MPHOSPH6: variants seen among roughly 807,000 people sequenced by gnomAD.
MPHOSPH6 encodes M-phase phosphoprotein 6.
Under a neutral mutation model 21.8 loss-of-function variants are expected in MPHOSPH6, and 25 were observed. The observed-to-expected ratio is 1.15, with a 90% CI of 0.83 to 1.60. MPHOSPH6 has a LOEUF of 1.60. Among genes scored for constraint, MPHOSPH6 ranks in the 40% most tolerant of loss-of-function variants. MPHOSPH6 has a pLI of 0.00. For missense variants in MPHOSPH6, 269 were observed against 181.8 expected, an observed-to-expected ratio of 1.48 and a Z score of -2.76; for synonymous variants, 84 against 56.5, an observed-to-expected ratio of 1.49 and a Z score of -2.18.
At chr16:82,168,289 T>C (rs1457589225) in intron 1 of MPHOSPH6, among the ~76,000 whole-genome samples, 1 of 152,140 alleles carries the variant, frequency 6.6e-6, no homozygotes, top group African/African-American at 2.4e-5. Context: ...GTTAATGTTA[T>C]TACCAACCAT....
Position 82,170,158 on chromosome 16 carries a change from C to T in MPHOSPH6, c.18G>A (p.Lys6=), listed in dbSNP as rs759762498. The T allele has an allele frequency of 6.3e-7, 1 of 1,595,448 alleles. No homozygotes were observed. Among genetic ancestry groups the T allele is most frequent in the Non-Finnish European group, 8.5e-7 (1 of 1,171,280 alleles). Residue 6 remains lysine, a synonymous_variant, in exon 1 of 5, where the codon AAG becomes AAA. Coordinates refer to ENST00000258169, the MANE Select transcript of MPHOSPH6 (RefSeq NM_005792.2). MAAER[K]TRLSKNLLRM... ...GCAGTAGATTCTTGGACAACCTTGT[C>T]TTTCGCTCGGCCGCCATGGTAGCTT... is the stretch of plus-strand genomic sequence containing the variant.
Position 82,149,390 on chromosome 16 carries a change from T to A in MPHOSPH6, c.269A>T (p.Gln90Leu), listed in dbSNP as rs528242898. The change falls in exon 4 of 5, where the codon CAG becomes CTG. Residue 90 changes from glutamine (Q) to leucine (L), a missense_variant. Transcript: ENST00000258169. ...FNPEVEKLML[Q>L]MNAKHKAEEV... ...TTCTGCTTTGTGCTTAGCATTCATCTGAAGCATCAATTTCTGAAAAATACA... is the reference window on the plus strand; with the variant it reads ...TTCTGCTTTGTGCTTAGCATTCATCAGAAGCATCAATTTCTGAAAAATACA... 3.1e-6 allele frequency: 5 copies of A among 1,612,258 alleles called. No individual in the cohort carries two copies. The highest frequency in any genetic ancestry group is 4.2e-6 in the Non-Finnish European group (5 of 1,180,000).
At chr16:82,159,701 C>T (rs540668459) in intron 2 of MPHOSPH6, among the ~76,000 whole-genome samples, 4 of 152,250 alleles carry the variant, frequency 2.6e-5, no homozygotes, top group South Asian at 2.1e-4. Context: ...CCACCGTGCC[C>T]GGCCTAGGAG....
chr16:82,169,315 T>C (rs1055913674), intron 1 of MPHOSPH6, among the ~76,000 whole-genome samples: 2 of 152,242 alleles, frequency 1.3e-5, no homozygotes, highest in African/African-American at 4.8e-5. Context: ...TGGTTTTCTT[T>C]TTCTTTCTTG....
chr16:82,149,774 T>A (rs61366082), intron 3 of MPHOSPH6, among the ~76,000 whole-genome samples: 30,121 of 152,036 alleles, frequency 0.2, 3,711 homozygotes, highest in Admixed American at 0.36. Context: ...CTTTAAGCCA[T>A]ATGGAAGAAA....
intron 1 of MPHOSPH6, among the ~76,000 whole-genome samples, chr16:82,168,427 G>C (rs1256683517): frequency 6.6e-6 from 1 of 150,488 alleles, no homozygotes; most frequent in Non-Finnish European, 1.5e-5. Context: ...CTCCATCCTA[G>C]CTCAACTCCA....
At position 82,157,387 on chromosome 16, in the gene MPHOSPH6, G is replaced by A. The variant is rs117805624; in HGVS notation, c.165-5873C>T. Among the ~76,000 whole-genome samples the A allele has an allele frequency of 5.7e-3, 867 of 152,284 alleles. 12 individuals carry two copies. The highest frequency in any genetic ancestry group is 1.0e-2 in the Non-Finnish European group (677 of 68,028). On this transcript the variant is annotated intron_variant, in intron 2 of 4. Transcript: ENST00000258169. ...CAAAACATTTTGCTGACACAGTTAA[G>A]CACATATTGCACAATTCCTTTTTTA...
intron 2 of MPHOSPH6, among the ~76,000 whole-genome samples, chr16:82,155,332 GAAAT>G (rs1274789327): frequency 6.6e-6 from 1 of 152,190 alleles, no homozygotes; most frequent in East Asian, 1.9e-4. Flanking sequence ...CCTTAGCCAT[GAAAT>G]AAATCAACAA....
chr16:82,149,341 C>G lies in MPHOSPH6; in HGVS notation c.318G>C (p.Glu106Asp). 1 of 1,613,404 alleles carries G rather than the reference C, an allele frequency of 6.2e-7. No individual in the cohort carries two copies. Among genetic ancestry groups the G allele is most frequent in the Non-Finnish European group, 8.5e-7 (1 of 1,180,040 alleles). The change falls in exon 4 of 5, where the codon GAG becomes GAC. Residue 106 changes from glutamate (E) to aspartate (D), a missense_variant. Coordinates refer to ENST00000258169, the MANE Select transcript of MPHOSPH6 (RefSeq NM_005792.2). ...CCATCTCTTCATCTGACACATCAAG[C>G]TCTACTGTTTCATCTTCAACTTCTT... is the stretch of plus-strand genomic sequence containing the variant. ...KAEEVEDETV[E>D]LDVSDEEMAR... is the part of the protein sequence containing the mutation.
At chr16:82,161,702 G>T (rs1023008833) in intron 2 of MPHOSPH6, among the ~76,000 whole-genome samples, 17 of 152,170 alleles carry the variant, frequency 1.1e-4, no homozygotes, top group African/African-American at 4.1e-4. Flanking sequence ...AGAAGATAAT[G>T]GGCAATGTGG....
intron 1 of MPHOSPH6, 110 bp downstream of exon 1, chr16:82,170,015 C>T (rs1187877778): frequency 5.8e-6 from 7 of 1,216,922 alleles, no homozygotes; most frequent in Non-Finnish European, 7.9e-6. Context: ...AGCTGGAAGC[C>T]CTCTGAGGCC....
At chr16:82,152,756 G>A (rs112302831) in intron 2 of MPHOSPH6, among the ~76,000 whole-genome samples, 112 of 152,284 alleles carry the variant, frequency 7.4e-4, no homozygotes, top group African/African-American at 2.5e-3. Flanking sequence ...GAATTTCTCT[G>A]CTGAGTCACC....
intron 3 of MPHOSPH6, 52 bp downstream of exon 3, chr16:82,151,372 G>C (rs1906259018): frequency 1.3e-6 from 2 of 1,593,948 alleles, no homozygotes; most frequent in African/African-American, 1.4e-5. Context: ...ATTATTAGCA[G>C]AAAAAAATTC....
chr16:82,163,318 G>T (rs1371891693), intron 2 of MPHOSPH6, among the ~76,000 whole-genome samples: 1 of 152,172 alleles, frequency 6.6e-6, no homozygotes, highest in Admixed American at 6.5e-5. Context: ...AAGTATCAGG[G>T]AAAAATGAAA....
chr16:82,151,647 C>T (rs76061265), intron 2 of MPHOSPH6, 133 bp from the exon 3 acceptor site: 2 of 1,263,040 alleles, frequency 1.6e-6, no homozygotes, highest in South Asian at 5.1e-5. Flanking sequence ...AGATTTCTAA[C>T]TTAGGGTTAA....
intron 2 of MPHOSPH6, chr16:82,163,873 A>C (rs769686054): frequency 4.5e-6 from 2 of 444,366 alleles, no homozygotes; most frequent in Non-Finnish European, 7.5e-6. Flanking sequence ...AAAAAGGACA[A>C]AATAGTGGCT....
Position 82,151,441 on chromosome 16 carries a change from A to T in MPHOSPH6, c.238T>A (p.Phe80Ile). The T allele has an allele frequency of 6.2e-7, 1 of 1,606,458 alleles. No homozygotes were observed. The highest frequency in any genetic ancestry group is 8.5e-7 in the Non-Finnish European group (1 of 1,177,146). The change falls in exon 3 of 5, where the codon TTT (phenylalanine) becomes ATT (isoleucine). Residue 80 changes from phenylalanine to isoleucine, a missense_variant. Transcript: ENST00000258169. ...LLYGRMSFRG[F>I]NPEVEKLMLQ... ...TTTAATACCTCAACCTCAGGATTAA[A>T]TCCTCTGAATGACATTCTTCCATAG...
chr16:82,152,930 C>T (rs1906312742), intron 2 of MPHOSPH6, among the ~76,000 whole-genome samples: 1 of 152,204 alleles, frequency 6.6e-6, no homozygotes, highest in African/African-American at 2.4e-5. Flanking sequence ...TTAAACCAAA[C>T]TGTGTGTATT....
chr16:82,163,976 G>T (rs917680390), intron 2 of MPHOSPH6, 106 bp downstream of exon 2: 1 of 711,638 alleles, frequency 1.4e-6, no homozygotes, highest in East Asian at 2.7e-5. Context: ...AAACTGAACA[G>T]AAACAATTTC....
Sources: gnomAD v4.1 joint callset for allele counts (sites outside exome capture counted in the v4.1 genomes callset) on GRCh38, gnomAD v4.1.1 for gene constraint, MANE v1.5 for transcripts, NCBI Gene and HGNC (gene_info 2026-07-23, HGNC 2026-07-21) for gene names.